Variants in KCNAB1 observed in about 807,000 individuals in gnomAD.
KCNAB1 encodes the protein voltage-gated potassium channel subunit beta-1.
Under a neutral mutation model 64.6 loss-of-function variants are expected in KCNAB1, and 35 were observed. The observed-to-expected ratio is 0.54, with a 90% CI of 0.41 to 0.72. The LOEUF (loss-of-function observed/expected upper bound fraction) is 0.72, where lower values mean the gene tolerates loss of function less well. KCNAB1 is among the 30% of genes least tolerant of loss of function. The pLI is 0.00. For synonymous variants in KCNAB1, 177 were observed against 183.8 expected, an observed-to-expected ratio of 0.96 and a Z score of 0.30; for missense variants, 401 against 512.9, an observed-to-expected ratio of 0.78 and a Z score of 2.11.
chr3:156,301,400 A>G (rs1721147423), intron 1 of KCNAB1, among the ~76,000 whole-genome samples: 1 of 152,226 alleles, frequency 6.6e-6, no homozygotes, highest in Non-Finnish European at 1.5e-5. Context: ...CTGTATATGC[A>G]CAAGCACGTC....
intron 1 of KCNAB1, among the ~76,000 whole-genome samples, chr3:156,237,838 A>C (rs1716935791): frequency 6.6e-6 from 1 of 151,956 alleles, no homozygotes; most frequent in African/African-American, 2.4e-5. Flanking sequence ...AGTTTGGTTT[A>C]TTTGTTTCCT....
chr3:156,184,102 C>T (rs144500783), intron 1 of KCNAB1, among the ~76,000 whole-genome samples: 7 of 152,276 alleles, frequency 4.6e-5, no homozygotes, highest in Admixed American at 3.9e-4. Flanking sequence ...TATTATTGTA[C>T]AAGTGGTGAT....
At chr3:156,437,257 C>T (rs572395275) in intron 2 of KCNAB1, among the ~76,000 whole-genome samples, 2 of 152,220 alleles carry the variant, frequency 1.3e-5, no homozygotes, top group Non-Finnish European at 2.9e-5. Flanking sequence ...TTTCAGTTAC[C>T]TCTGCTAAGA....
chr3:156,401,967 A>C lies in KCNAB1; in HGVS notation c.276-19649A>C, dbSNP rs939236133. Reference sequence around the variant, plus strand: ...GAGAAAAGAAAAGAAAAAGTGTTACAGGGCGGGGAACATTTCACACTGGGT... The same window carrying C: ...GAGAAAAGAAAAGAAAAAGTGTTACCGGGCGGGGAACATTTCACACTGGGT... On this transcript the variant is annotated intron_variant, in intron 1 of 13. Coordinates refer to ENST00000490337, the MANE Select transcript of KCNAB1 (RefSeq NM_172160.3). 2.0e-5 allele frequency among the ~76,000 whole-genome samples: 3 copies of C among 152,136 alleles called. No individual in the cohort carries two copies. The South Asian group carries it at 6.2e-4, about 32-fold the overall frequency.
chr3:156,526,892 T>C (rs1275288066), intron 12 of KCNAB1, among the ~76,000 whole-genome samples: 1 of 150,946 alleles, frequency 6.6e-6, no homozygotes, highest in Non-Finnish European at 1.5e-5. Flanking sequence ...GATTAAGAAA[T>C]AGCAGGAATT....
intron 4 of KCNAB1, among the ~76,000 whole-genome samples, chr3:156,457,800 A>G (rs1441678049): frequency 3.3e-5 from 5 of 152,200 alleles, no homozygotes; most frequent in Non-Finnish European, 5.9e-5. Flanking sequence ...TGCCATGTCT[A>G]TGTGAGGGGC....
intron 1 of KCNAB1, among the ~76,000 whole-genome samples, chr3:156,254,109 T>G (rs1476286161): frequency 6.6e-6 from 1 of 152,222 alleles, no homozygotes; most frequent in African/African-American, 2.4e-5. Context: ...ACGATTTTTA[T>G]GAACAAGAGG....
At chr3:156,433,443 C>T (rs1267796606) in intron 2 of KCNAB1, among the ~76,000 whole-genome samples, 1 of 152,154 alleles carries the variant, frequency 6.6e-6, no homozygotes, top group Non-Finnish European at 1.5e-5. Context: ...GAAACATGTA[C>T]AAGGGCTGCC....
intron 1 of KCNAB1, among the ~76,000 whole-genome samples, chr3:156,124,839 A>G (rs1212426745): frequency 1.3e-5 from 2 of 152,106 alleles, no homozygotes; most frequent in Admixed American, 1.3e-4. Context: ...TGCTAACACC[A>G]TTATAAAGAA....
intron 1 of KCNAB1, among the ~76,000 whole-genome samples, chr3:156,417,403 T>C (rs1227891509): frequency 6.6e-6 from 1 of 152,236 alleles, no homozygotes; most frequent in Non-Finnish European, 1.5e-5. Context: ...TGGAGCCCCT[T>C]GCATATGCTT....
intron 1 of KCNAB1, among the ~76,000 whole-genome samples, chr3:156,153,126 CAAAT>C (rs1466846722): frequency 6.6e-6 from 1 of 152,072 alleles, no homozygotes; most frequent in African/African-American, 2.4e-5. Flanking sequence ...AGGAGTCTAA[CAAAT>C]AAACCTTCAA....
intron 1 of KCNAB1, among the ~76,000 whole-genome samples, chr3:156,251,840 C>T (rs1351878317): frequency 1.3e-5 from 2 of 152,102 alleles, no homozygotes; most frequent in Admixed American, 6.6e-5. Flanking sequence ...TTAAACCTGT[C>T]TATAAAGATT....
At chr3:156,167,828 G>A (rs908949314) in intron 1 of KCNAB1, among the ~76,000 whole-genome samples, 1 of 152,154 alleles carries the variant, frequency 6.6e-6, no homozygotes, top group Admixed American at 6.5e-5. Context: ...GTTATTTGGG[G>A]CACAGCCTCT....
At chr3:156,200,193 A>G (rs1456844186) in intron 1 of KCNAB1, among the ~76,000 whole-genome samples, 1 of 152,124 alleles carries the variant, frequency 6.6e-6, no homozygotes, top group African/African-American at 2.4e-5. Context: ...CTTCCTCTGG[A>G]AGCTTCATCC....
At chr3:156,240,597 G>A (rs1037935423) in intron 1 of KCNAB1, among the ~76,000 whole-genome samples, 2 of 152,130 alleles carry the variant, frequency 1.3e-5, no homozygotes, top group Non-Finnish European at 2.9e-5. Flanking sequence ...AATGTATTGA[G>A]TTTCTAATAT....
At chr3:156,370,319 G>A (rs1053099892) in intron 1 of KCNAB1, among the ~76,000 whole-genome samples, 2 of 152,200 alleles carry the variant, frequency 1.3e-5, no homozygotes, top group South Asian at 4.1e-4. Context: ...GCCAACCAAA[G>A]CAAGAGCTCT....
chr3:156,335,635 A>G (rs1288807526), intron 1 of KCNAB1, among the ~76,000 whole-genome samples: 1 of 152,238 alleles, frequency 6.6e-6, no homozygotes, highest in Non-Finnish European at 1.5e-5. Context: ...TAGGATTTCC[A>G]GACTCTGGAA....
intron 2 of KCNAB1, among the ~76,000 whole-genome samples, chr3:156,427,275 G>A (rs982587909): frequency 6.6e-6 from 1 of 152,116 alleles, no homozygotes; most frequent in Non-Finnish European, 1.5e-5. Flanking sequence ...GATATCTAGA[G>A]AACAAGGGGA....
At chr3:156,279,685 T>A (rs1018162570) in intron 1 of KCNAB1, among the ~76,000 whole-genome samples, 3 of 152,294 alleles carry the variant, frequency 2.0e-5, no homozygotes, top group African/African-American at 7.2e-5. Flanking sequence ...GGTATCTCAT[T>A]GTGGTTTTGA....
Sources: allele counts gnomAD v4.1 joint callset (sites outside exome capture counted in the v4.1 genomes callset), GRCh38; gene constraint gnomAD v4.1.1; transcripts MANE v1.5; gene names NCBI Gene and HGNC (gene_info 2026-07-23, HGNC 2026-07-21).